The following DST variants were observed in gnomAD, a reference collection of about 807,000 sequenced individuals.
The protein encoded by DST is dystonin, also known as bullous pemphigoid antigen.
Under a neutral mutation model 875.2 loss-of-function variants are expected in DST, and 253 were observed. The observed-to-expected ratio is 0.29, with a 90% confidence interval of 0.26 to 0.32. The LOEUF (loss-of-function observed/expected upper bound fraction) is 0.32, where lower values mean the gene tolerates loss of function less well. Among genes scored for constraint, DST ranks in the 10% least tolerant of loss-of-function variants. The pLI is 1.00. For missense variants in DST, 8,287 were observed against 9,111.6 expected (o/e 0.91, Z 3.68); for synonymous variants, 3,124 against 3,197.1 (o/e 0.98, Z 0.77).
chr6:56,679,091 T>TA (rs2099144672), intron 9 of DST, among the ~76,000 whole-genome samples: 1 of 149,796 alleles, frequency 6.7e-6, no homozygotes, highest in East Asian at 1.9e-4. Flanking sequence ...CCAGCTAACT[T>TA]ACGAGGGTTG....
At chr6:56,797,986 T>C (rs1173279896) in intron 4 of DST, among the ~76,000 whole-genome samples, 4 of 151,782 alleles carry the variant, frequency 2.6e-5, no homozygotes, top group African/African-American at 9.7e-5. Context: ...CTGAGAGAGG[T>C]GAGAAAGCTG....
chr6:56,606,027 G>A lies in DST; in HGVS notation c.8601C>T (p.Ser2867=). 1.9e-6 allele frequency: 3 copies of A among 1,612,718 alleles called. No homozygotes were observed. The highest frequency in any genetic ancestry group is 2.5e-6 in the Non-Finnish European group (3 of 1,179,106). Reference sequence around the variant, plus strand: ...TTACCCTTTGCTGTTTTTCTAAAGAGCTACAACTGTGCATTTTATCCAGAA... The same window carrying A: ...TTACCCTTTGCTGTTTTTCTAAAGAACTACAACTGTGCATTTTATCCAGAA... ...MILLDKMHSC[S]SLEKQQRVNV... is the part of the protein sequence containing the mutation. Residue 2867 remains serine, a synonymous_variant, in exon 40 of 104, where the codon AGC becomes AGT. Transcript: ENST00000680361.
At chr6:56,555,933 T>C in intron 59 of DST, 93 bp from the exon 60 acceptor site, 1 of 1,283,380 alleles carries the variant, frequency 7.8e-7, no homozygotes, top group Non-Finnish European at 1.0e-6. Context: ...ATGGTAATTA[T>C]TTCTCCAGTT....
chr6:56,742,084 T>C (rs1040394037), intron 4 of DST, among the ~76,000 whole-genome samples: 1 of 152,216 alleles, frequency 6.6e-6, no homozygotes, highest in African/African-American at 2.4e-5. Context: ...ATACATATTC[T>C]GTGGACAACA....
At chr6:56,908,864 G>C (rs1217589788) in intron 2 of DST, among the ~76,000 whole-genome samples, 1 of 152,186 alleles carries the variant, frequency 6.6e-6, no homozygotes, top group African/African-American at 2.4e-5. Context: ...CCATGGCAAG[G>C]TCAGGTAGTT....
chr6:56,733,686 C>T (rs2099511322), intron 5 of DST, among the ~76,000 whole-genome samples: 1 of 151,976 alleles, frequency 6.6e-6, no homozygotes, highest in Admixed American at 6.6e-5. Context: ...AGACTGATAA[C>T]CTTGCAAAAG....
At chr6:56,684,160 A>G (rs1222166698) in intron 9 of DST, among the ~76,000 whole-genome samples, 1 of 152,238 alleles carries the variant, frequency 6.6e-6, no homozygotes, top group Non-Finnish European at 1.5e-5. Flanking sequence ...CCCTATTTTT[A>G]CAGATGCTGT....
chr6:56,507,419 CACACT>C (rs919353805), intron 75 of DST, among the ~76,000 whole-genome samples: 2 of 152,224 alleles, frequency 1.3e-5, no homozygotes, highest in Non-Finnish European at 2.9e-5. Context: ...TCAAGGGGCC[CACACT>C]ACAGCAGGAA....
chr6:56,693,443 C>T lies in DST; in HGVS notation c.1047+6210G>A, dbSNP rs188462048. ...TGTCAAATTACAACACTGATGAGCT[C>T]TCAAGGCAAACCCTTAGCTTCACTG... On this transcript the variant is annotated intron_variant, in intron 9 of 103. Transcript: ENST00000680361. 6.8e-4 allele frequency: 711 copies of T among 1,041,442 alleles called. 17 individuals carry two copies. In the Admixed American group the frequency reaches 0.03, roughly 45 times the overall value. The allele number at this position is 1,041,442 out of a possible 1,614,324, so 64.5% of individuals were successfully genotyped here.
chr6:56,758,184 A>G (rs1303242584), intron 4 of DST, among the ~76,000 whole-genome samples: 1 of 152,244 alleles, frequency 6.6e-6, no homozygotes, highest in African/African-American at 2.4e-5. Flanking sequence ...CACAAGGAAT[A>G]AATACACATT....
chr6:56,573,861 G>C lies in DST; in HGVS notation c.13054C>G (p.Leu4352Val), dbSNP rs889629659. 3.1e-6 allele frequency: 5 copies of C among 1,612,750 alleles called. No individual in the cohort carries two copies. In the African/African-American group the frequency reaches 6.7e-5, roughly 22 times the overall value. Residue 4352 changes from leucine to valine, a missense_variant, in exon 51 of 104, where the codon CTG becomes GTG. By Grantham distance (32) the Leu-to-Val change is conservative. Around this residue, in one of 10 missense-constraint regions of DST, gnomAD observed 1,513 missense variants for 1,677.8 expected, o/e 0.90. Transcript: ENST00000680361. ...LDDIVGRYED[L>V]SKSVNERNEK... ...TTTCGTTCATTAACAGACTTGGACA[G>C]ATCCTCATATCTCCCAACAATGTCA...
chr6:56,924,402 G>A (rs1375145508), intron 2 of DST, among the ~76,000 whole-genome samples: 1 of 114,194 alleles, frequency 8.8e-6, no homozygotes, highest in Non-Finnish European at 2.3e-5. Context: ...CTCACCAATG[G>A]ATGGAGACTG....
chr6:56,482,198 C>CA lies in DST; in HGVS notation c.21403-21dup, dbSNP rs781639637. 1 of 1,602,760 alleles carries CA rather than the reference C, an allele frequency of 6.2e-7. No homozygotes were observed. The highest frequency in any genetic ancestry group is 8.5e-7 in the Non-Finnish European group (1 of 1,172,336). ...CTCTGCCTAAGAGTTCACACACACA[C>CA]ACACCCCAAACAAAATTCCCAAATA... On this transcript the variant is annotated intron_variant, in intron 89 of 103. Transcript: ENST00000680361.
intron 8 of DST, among the ~76,000 whole-genome samples, chr6:56,701,355 G>A (rs1443414395): frequency 1.3e-5 from 2 of 151,802 alleles, no homozygotes; most frequent in Non-Finnish European, 2.9e-5. Flanking sequence ...CAAGTTGGGG[G>A]CTATTGTCAG....
intron 74 of DST, among the ~76,000 whole-genome samples, chr6:56,509,199 C>T (rs867668706): frequency 6.6e-6 from 1 of 152,192 alleles, no homozygotes; most frequent in Non-Finnish European, 1.5e-5. Context: ...CCACTACGCA[C>T]ATGCTCTCCC....
chr6:56,723,362 C>T (rs561186725), intron 5 of DST, among the ~76,000 whole-genome samples: 2 of 152,056 alleles, frequency 1.3e-5, no homozygotes, highest in East Asian at 3.9e-4. Context: ...GTCAGTGGTT[C>T]GAGACCAGCC....
At position 56,595,779 on chromosome 6, in the gene DST, A is replaced by ACCCCCC. The variant is rs559086079; in HGVS notation, c.12196-1587_12196-1586insGGGGGG. Among the ~76,000 whole-genome samples, 24 of 144,490 alleles carry ACCCCCC rather than the reference A, an allele frequency of 1.7e-4. 2 individuals carry two copies. Among genetic ancestry groups the ACCCCCC allele is most frequent in the African/African-American group, 7.0e-4 (24 of 34,384 alleles). 94.8% of individuals were successfully genotyped at this position (144,490 alleles called of 152,430 possible). The stretch of plus-strand genomic sequence containing the variant: ...GGTATTTGAAATACATTCATATGCT[A>ACCCCCC]CCCCCACCCCACCCCGAGAAGGGCT... On this transcript the variant is annotated intron_variant, in intron 47 of 103. Transcript: ENST00000680361.
At chr6:56,947,153 A>G (rs1003566432) in intron 2 of DST, among the ~76,000 whole-genome samples, 1 of 152,060 alleles carries the variant, frequency 6.6e-6, no homozygotes, top group African/African-American at 2.4e-5. Flanking sequence ...AGCAGAGGCC[A>G]TAACTCTTTG....
Position 56,482,892 on chromosome 6 carries a change from T to C in DST, c.21208-15A>G. On this transcript the variant is annotated splice_polypyrimidine_tract_variant and intron_variant, in intron 88 of 103. Coordinates refer to ENST00000680361, the MANE Select transcript of DST (RefSeq NM_001374736.1). ...TTTTGGAAGGCCTAAGAAGACCATATTTTGAAAAATTAATTTTAATTACAA... is the reference window on the plus strand; with the variant it reads ...TTTTGGAAGGCCTAAGAAGACCATACTTTGAAAAATTAATTTTAATTACAA... 1 of 1,467,750 alleles carries C rather than the reference T, an allele frequency of 6.8e-7. No homozygotes were observed. Among genetic ancestry groups the C allele is most frequent in the Non-Finnish European group, 9.0e-7 (1 of 1,106,046 alleles). 90.9% of individuals were successfully genotyped at this position (1,467,750 alleles called of 1,614,324 possible). A position where few individuals can be genotyped will look rare whatever the true frequency, so the allele number is the denominator to read the frequency against.
Sources: allele counts gnomAD v4.1 joint callset (sites outside exome capture counted in the v4.1 genomes callset), GRCh38; gene constraint gnomAD v4.1.1; regional missense constraint gnomAD v4.1.1; transcripts MANE v1.5; gene names NCBI Gene and HGNC (gene_info 2026-07-23, HGNC 2026-07-21).